TECPR2: variants seen among roughly 807,000 people sequenced by gnomAD.
The protein encoded by TECPR2 is tectonin beta-propeller repeat containing 2, also known as tectonin beta-propeller repeat-containing protein 2.
In TECPR2, 65 loss-of-function variants were observed where a neutral mutation model predicts 138.1. The ratio of observed to expected loss-of-function variants is 0.47; its 90% CI spans 0.39 to 0.58. The LOEUF is 0.58. Ranked by LOEUF, TECPR2 falls within the 20% of genes least tolerant of loss-of-function variation. The pLI, the probability that TECPR2 is intolerant of heterozygous loss-of-function variation, is 0.00. For missense variants in TECPR2, 1,553 were observed against 1,824.5 expected, an observed-to-expected ratio of 0.85 and a Z score of 2.71; for synonymous variants, 746 against 749.8, an observed-to-expected ratio of 0.99 and a Z score of 0.08.
chr14:102,456,879 G>T (rs1049831811), intron 16 of TECPR2, among the ~76,000 whole-genome samples: 1 of 151,774 alleles, frequency 6.6e-6, no homozygotes, highest in Non-Finnish European at 1.5e-5. Flanking sequence ...GTGAGCTACC[G>T]CACCCAGCCT....
Position 102,489,704 on chromosome 14 carries a change from A to C in TECPR2, c.3790-7275A>C, listed in dbSNP as rs1320678472. Among the ~76,000 whole-genome samples the C allele has an allele frequency of 8.0e-4, 13 of 16,328 alleles. No homozygotes were observed. In the Admixed American group the frequency reaches 8.3e-3, roughly 10 times the overall value. The allele number at this position is 16,328 out of a possible 152,430, so 10.7% of individuals were successfully genotyped here. ...CGGGCGACAAGAGCAAAACTGTGTC[A>C]AAAAAAAAAAAAAAAGGAATCCTAC... On this transcript the variant is annotated intron_variant, in intron 17 of 19. Coordinates refer to ENST00000359520, the MANE Select transcript of TECPR2 (RefSeq NM_014844.5).
In TECPR2 at chr14:102,450,574, CAT is replaced by C. The variant is rs931915296; in HGVS notation, c.3332_3333del (p.His1111ArgfsTer121). ...ACTCTTTCCAGGCACCTACTGGAAT[CAT>C]GTGGTTCCCCGTGGGACAGCTTCTG... is the stretch of plus-strand genomic sequence containing the variant. Reference protein sequence around the residue: ...KGSLIGTYWNHVVPRGTASAT... With the variant: ...KGSLIGTYWNXVVPRGTASAT... On this transcript the variant is annotated frameshift_variant, in exon 15 of 20. Transcript: ENST00000359520. LOFTEE classifies it high-confidence loss of function. The C allele has an allele frequency of 6.2e-7, 1 of 1,614,176 alleles. No individual in the cohort carries two copies. The highest frequency in any genetic ancestry group is 8.5e-7 in the Non-Finnish European group (1 of 1,180,018).
At chr14:102,407,580 G>T (rs779667109) in intron 3 of TECPR2, 114 bp downstream of exon 3, 1 of 1,361,764 alleles carries the variant, frequency 7.3e-7, no homozygotes, top group Non-Finnish European at 9.7e-7. Context: ...AGCCGGGCAC[G>T]ACTTTCTCTG....
At chr14:102,484,505 G>A (rs12881601) in intron 17 of TECPR2, among the ~76,000 whole-genome samples, 32,921 of 152,000 alleles carry the variant, frequency 0.22, 4,283 homozygotes, top group Middle Eastern at 0.3. Flanking sequence ...TGGGCCCCGC[G>A]GGTCTCTGAC....
At chr14:102,431,559 G>C (rs570123921) in intron 7 of TECPR2, among the ~76,000 whole-genome samples, 4 of 152,202 alleles carry the variant, frequency 2.6e-5, no homozygotes, top group Admixed American at 2.0e-4. Flanking sequence ...AGCCAGGATG[G>C]TCTTGATCTC....
chr14:102,476,366 TA>T (rs772790942), intron 17 of TECPR2, among the ~76,000 whole-genome samples: 349 of 110,406 alleles, frequency 3.2e-3, no homozygotes, highest in Non-Finnish European at 3.7e-3. Context: ...ACCCTGCCTC[TA>T]AAAAAAAAAA....
chr14:102,376,654 C>T lies in TECPR2; in HGVS notation c.-68C>T. On this transcript the variant is annotated 5_prime_UTR_variant, in exon 2 of 20. Transcript: ENST00000359520. ...TTGTAATGCTTTGTTCTGTAGCCCC[C>T]AGGTTTCCCTAGATGACAAATAAAC... 3 of 1,422,276 alleles carry T rather than the reference C, an allele frequency of 2.1e-6. No individual in the cohort carries two copies. Among genetic ancestry groups the T allele is most frequent in the Non-Finnish European group, 3.0e-6 (3 of 1,014,190 alleles). The allele number at this position is 1,422,276 out of a possible 1,614,324, so 88.1% of individuals were successfully genotyped here.
rs1039957149 is a variant in TECPR2, at chr14:102,440,360, G to A, written c.2579-76G>A. On this transcript the variant is annotated intron_variant, in intron 10 of 19. Transcript: ENST00000359520. ...TTTTAGAAATCTTTCTCCCCTCAAT[G>A]CCCAGCATGAAGACTTTTGTATAGA... is the stretch of plus-strand genomic sequence containing the variant. 3.1e-5 allele frequency: 48 copies of A among 1,545,870 alleles called. No individual in the cohort carries two copies. The Admixed American group carries it at 8.8e-4, about 28-fold the overall frequency.
chr14:102,376,120 T>C (rs1180458843), intron 1 of TECPR2, among the ~76,000 whole-genome samples: 4 of 152,176 alleles, frequency 2.6e-5, no homozygotes, highest in African/African-American at 9.7e-5. Flanking sequence ...CACCATCTCA[T>C]TAACACAGCC....
intron 2 of TECPR2, among the ~76,000 whole-genome samples, chr14:102,377,606 T>G (rs1887674388): frequency 6.6e-6 from 1 of 152,098 alleles, no homozygotes; most frequent in Admixed American, 6.5e-5. Flanking sequence ...CTCAGGAGGC[T>G]GAGACAGGAG....
intron 5 of TECPR2, among the ~76,000 whole-genome samples, chr14:102,421,413 A>G (rs1282143346): frequency 6.6e-6 from 1 of 152,228 alleles, no homozygotes; most frequent in African/African-American, 2.4e-5. Context: ...TTGATATATA[A>G]TATCCTCCTT....
intron 2 of TECPR2, among the ~76,000 whole-genome samples, chr14:102,384,461 G>A (rs1445419904): frequency 2.0e-5 from 3 of 151,310 alleles, no homozygotes; most frequent in East Asian, 2.0e-4. Context: ...GGCGGATCAC[G>A]AGGTCAGGAG....
At chr14:102,436,473 C>A (rs1334037365) in intron 9 of TECPR2, among the ~76,000 whole-genome samples, 1 of 152,124 alleles carries the variant, frequency 6.6e-6, no homozygotes, top group Non-Finnish European at 1.5e-5. Flanking sequence ...GCATGTGCCA[C>A]CATGCCCAGC....
intron 13 of TECPR2, 108 bp downstream of exon 13, chr14:102,446,055 T>A: frequency 1.6e-6 from 2 of 1,260,930 alleles, no homozygotes; most frequent in Non-Finnish European, 1.1e-6. Context: ...TTTAAAATAC[T>A]CACTTTTTTA....
chr14:102,371,015 G>C (rs757328846), intron 1 of TECPR2, among the ~76,000 whole-genome samples: 1 of 152,218 alleles, frequency 6.6e-6, no homozygotes, highest in African/African-American at 2.4e-5. Flanking sequence ...TAGGATGTAA[G>C]TTTTACTAAT....
chr14:102,419,633 C>A lies in TECPR2; in HGVS notation c.638+4840C>A, dbSNP rs1889125820. Among the ~76,000 whole-genome samples the A allele has an allele frequency of 6.6e-6, 1 of 152,234 alleles. No homozygotes were observed. The highest frequency in any genetic ancestry group is 2.4e-5 in the African/African-American group (1 of 41,550). On this transcript the variant is annotated intron_variant, in intron 5 of 19. Transcript: ENST00000359520. The surrounding 1 kb of genome is among the most constrained non-coding windows in gnomAD (Gnocchi z 4.8). ...GGGCAGGTGCAGGCAGGTCAGGAGG[C>A]CCAGAGGTAGAAGACGAGGGGTCCT...
chr14:102,401,031 CAAAA>C (rs201681523), intron 2 of TECPR2, among the ~76,000 whole-genome samples: 1 of 146,246 alleles, frequency 6.8e-6, no homozygotes, highest in African/African-American at 2.5e-5. Flanking sequence ...AGACTCGTCG[CAAAA>C]AAAAAGGAAC....
At chr14:102,416,645 C>T (rs1448931426) in intron 5 of TECPR2, among the ~76,000 whole-genome samples, 2 of 152,204 alleles carry the variant, frequency 1.3e-5, no homozygotes, top group East Asian at 3.8e-4. Context: ...GCATTGAAAA[C>T]CAATTACTTT....
intron 11 of TECPR2, among the ~76,000 whole-genome samples, chr14:102,441,096 G>A (rs1323998552): frequency 6.6e-6 from 1 of 151,994 alleles, no homozygotes; most frequent in South Asian, 2.1e-4. Flanking sequence ...ACGGAGTCTC[G>A]CTCTCTTGCC....
Sources: allele counts gnomAD v4.1 joint callset (sites outside exome capture counted in the v4.1 genomes callset), GRCh38; gene constraint gnomAD v4.1.1; non-coding constraint Gnocchi (gnomAD v3.1); transcripts MANE v1.5; gene names NCBI Gene and HGNC (gene_info 2026-07-23, HGNC 2026-07-21).